Variants in CASTOR2 observed in about 807,000 individuals in gnomAD.
CASTOR2 encodes cytosolic arginine sensor for mTORC1 subunit 2.
Under a neutral mutation model 31.2 loss-of-function variants are expected in CASTOR2, and 8 were observed. The observed-to-expected ratio is 0.26, with a 90% confidence interval of 0.15 to 0.46. The LOEUF is 0.46. Ranked by LOEUF, CASTOR2 falls within the 20% of genes least tolerant of loss-of-function variation. CASTOR2 has a pLI of 0.99. For missense variants in CASTOR2, 216 were observed against 382.1 expected (o/e 0.57, Z 3.62); for synonymous variants, 162 against 158.7 (o/e 1.02, Z -0.16).
At chr7:74,987,261 C>T (rs1270099856) in intron 1 of CASTOR2, among the ~76,000 whole-genome samples, 62 of 152,100 alleles carry the variant, frequency 4.1e-4, no homozygotes, top group Non-Finnish European at 7.5e-4. Context: ...AAAAATTATC[C>T]GGGCCTGGTG....
intron 1 of CASTOR2, among the ~76,000 whole-genome samples, chr7:74,970,178 AT>A (rs1554434957): frequency 1.3e-5 from 1 of 78,788 alleles, no homozygotes; most frequent in African/African-American, 3.2e-5. Flanking sequence ...GCTGGAAGAT[AT>A]GTCGTTGTAG....
intron 7 of CASTOR2, among the ~76,000 whole-genome samples, chr7:75,022,608 G>C (rs1805031966): frequency 1.3e-5 from 2 of 151,856 alleles, no homozygotes; most frequent in African/African-American, 4.8e-5. Flanking sequence ...TACCAGCCTG[G>C]CCAATATGAC....
intron 1 of CASTOR2, among the ~76,000 whole-genome samples, chr7:74,975,258 C>T (rs1174886868): frequency 5.3e-5 from 8 of 151,354 alleles, no homozygotes; most frequent in Admixed American, 4.6e-4. Context: ...ATGAGCACTG[C>T]GCCTGGCCAA....
intron 1 of CASTOR2, among the ~76,000 whole-genome samples, chr7:74,972,411 A>G (rs1554435164): frequency 6.6e-6 from 1 of 150,988 alleles, no homozygotes; most frequent in African/African-American, 2.4e-5. Flanking sequence ...GTGAGCCACC[A>G]TGCTCAGCCA....
At chr7:74,984,185 A>G (rs1370382873) in intron 1 of CASTOR2, among the ~76,000 whole-genome samples, 11 of 149,344 alleles carry the variant, frequency 7.4e-5, no homozygotes, top group Admixed American at 4.0e-4. Flanking sequence ...TCAGTAGGCC[A>G]TGAATACTTG....
Position 75,027,988 on chromosome 7 carries a change from G to C in CASTOR2, c.*3289G>C, listed in dbSNP as rs1471167531. ...TCTCAGAGGGGCTCCATCCGCAGTTGCATGGAACTCCTTACCTGTTTGCCG... is the reference window on the plus strand; with the variant it reads ...TCTCAGAGGGGCTCCATCCGCAGTTCCATGGAACTCCTTACCTGTTTGCCG... On this transcript the variant is annotated 3_prime_UTR_variant, in exon 9 of 9. Transcript: ENST00000616305. 5 of 1,528,970 alleles carry C rather than the reference G, an allele frequency of 3.3e-6. No homozygotes were observed. Among genetic ancestry groups the C allele is most frequent in the Non-Finnish European group, 4.4e-6 (5 of 1,141,552 alleles). The allele number at this position is 1,528,970 out of a possible 1,614,324, so 94.7% of individuals were successfully genotyped here. A position where few individuals can be genotyped will look rare whatever the true frequency, so the allele number is the denominator to read the frequency against.
intron 1 of CASTOR2, among the ~76,000 whole-genome samples, chr7:75,007,425 G>A (rs1170632917): frequency 2.0e-5 from 3 of 152,180 alleles, no homozygotes; most frequent in African/African-American, 4.8e-5. Context: ...GTGAGGTGGG[G>A]CAGAGATCCA....
At position 75,031,369 on chromosome 7, in the gene CASTOR2, AC is replaced by A. The variant is rs1159737984; in HGVS notation, c.*6677del. Among the ~76,000 whole-genome samples, 3 of 149,180 alleles carry A rather than the reference AC, an allele frequency of 2.0e-5. No individual in the cohort carries two copies. The highest frequency in any genetic ancestry group is 2.0e-4 in the East Asian group (1 of 5,124). The stretch of plus-strand genomic sequence containing the variant: ...GGGGAGAACCTGCCATCTTATCCCT[AC>A]CCCCCCGGGGCCCTCAAGCTTATTT... On this transcript the variant is annotated 3_prime_UTR_variant, in exon 9 of 9. Coordinates refer to ENST00000616305, the MANE Select transcript of CASTOR2 (RefSeq NM_001145064.3).
At chr7:74,972,251 CTAGGAT>C (rs1384912903) in intron 1 of CASTOR2, among the ~76,000 whole-genome samples, 3 of 145,720 alleles carry the variant, frequency 2.1e-5, no homozygotes, top group Non-Finnish European at 4.6e-5. Flanking sequence ...TCCCAAAGTG[CTAGGAT>C]TACAGGTGTG....
At position 75,028,141 on chromosome 7, in the gene CASTOR2, G is replaced by A. The variant is rs1248765697; in HGVS notation, c.*3442G>A. ...ATTTTTTTTTTTTTTTTTTTGAGAC[G>A]GAGTCTTGCTCTGTCGCCCAGGCTG... is the stretch of plus-strand genomic sequence containing the variant. On this transcript the variant is annotated 3_prime_UTR_variant, in exon 9 of 9. Transcript: ENST00000616305. 1.3e-5 allele frequency: 17 copies of A among 1,311,172 alleles called. No individual in the cohort carries two copies. In the African/African-American group the frequency reaches 1.6e-4, roughly 12 times the overall value. The allele number at this position is 1,311,172 out of a possible 1,614,324, so 81.2% of individuals were successfully genotyped here. A position where few individuals can be genotyped will look rare whatever the true frequency, so the allele number is the denominator to read the frequency against.
At chr7:75,014,389 C>T (rs1584475285) in intron 2 of CASTOR2, among the ~76,000 whole-genome samples, 1 of 125,406 alleles carries the variant, frequency 8.0e-6, no homozygotes, top group South Asian at 2.5e-4. Context: ...GCCTGCCCAA[C>T]ATGGTGAAAC....
At chr7:75,005,263 A>G (rs1188727028) in intron 1 of CASTOR2, among the ~76,000 whole-genome samples, 15 of 152,190 alleles carry the variant, frequency 9.9e-5, no homozygotes, top group Non-Finnish European at 7.4e-5. Context: ...GTCAGTGTCT[A>G]CCCGTCCCCT....
intron 1 of CASTOR2, among the ~76,000 whole-genome samples, chr7:74,987,585 C>T (rs1804101501): frequency 6.6e-6 from 1 of 152,178 alleles, no homozygotes; most frequent in Non-Finnish European, 1.5e-5. Flanking sequence ...TTGTGTGATC[C>T]AGGAAGGCCA....
At chr7:74,987,301 A>C (rs1804091249) in intron 1 of CASTOR2, among the ~76,000 whole-genome samples, 2 of 151,566 alleles carry the variant, frequency 1.3e-5, no homozygotes, top group Non-Finnish European at 2.9e-5. Flanking sequence ...GCTACTCGGG[A>C]GGCTGAGGCA....
chr7:74,992,240 T>C (rs1210114249), intron 1 of CASTOR2, among the ~76,000 whole-genome samples: 8 of 152,248 alleles, frequency 5.3e-5, no homozygotes, highest in African/African-American at 1.9e-4. Flanking sequence ...ATCCCTTCTC[T>C]GATCCTGGGT....
intron 6 of CASTOR2, among the ~76,000 whole-genome samples, chr7:75,020,833 G>A (rs1292634185): frequency 6.6e-6 from 1 of 151,794 alleles, no homozygotes; most frequent in Non-Finnish European, 1.5e-5. Flanking sequence ...ATCTCTCTCT[G>A]TCACCCATGC....
At chr7:74,991,923 AT>A (rs1554437383) in intron 1 of CASTOR2, among the ~76,000 whole-genome samples, 2 of 152,122 alleles carry the variant, frequency 1.3e-5, no homozygotes, top group South Asian at 4.2e-4. Flanking sequence ...AGGTCATCAC[AT>A]TTGTGCTTTG....
rs1805165189 is a variant in CASTOR2 at position 75,027,354 on chromosome 7, G to C, written c.*2655G>C. On this transcript the variant is annotated 3_prime_UTR_variant, in exon 9 of 9. Transcript: ENST00000616305. ...TATTTGGGGGGATGTTGATCCCGAG[G>C]GAGGAGTATTTGGAATTTCTTGCTT... 6.5e-6 allele frequency: 1 copy of C among 152,830 alleles called. No homozygotes were observed. The highest frequency in any genetic ancestry group is 1.5e-5 in the Non-Finnish European group (1 of 68,238). The allele number at this position is 152,830 out of a possible 1,614,324, so 9.5% of individuals were successfully genotyped here. A position where few individuals can be genotyped will look rare whatever the true frequency, so the allele number is the denominator to read the frequency against.
rs1372727284 is a variant in CASTOR2 at position 74,988,336 on chromosome 7, C to T, written c.114-19658C>T. Among the ~76,000 whole-genome samples, 4 of 151,978 alleles carry T rather than the reference C, an allele frequency of 2.6e-5. No individual in the cohort carries two copies. The East Asian group carries it at 5.8e-4, about 22-fold the overall frequency. On this transcript the variant is annotated intron_variant, in intron 1 of 8. Transcript: ENST00000616305. ...ATTTTGAGACTGAGTCTCACTCTGT[C>T]GCCCAGGCTGGAGTGCAGTGGCGCG... is the stretch of plus-strand genomic sequence containing the variant.
Sources: gnomAD v4.1 joint callset for allele counts (sites outside exome capture counted in the v4.1 genomes callset) on GRCh38, gnomAD v4.1.1 for gene constraint, MANE v1.5 for transcripts, NCBI Gene and HGNC (gene_info 2026-07-23, HGNC 2026-07-21) for gene names.